PPFIA2: variants seen among roughly 807,000 people sequenced by gnomAD.
The protein encoded by PPFIA2 is PPFI scaffold protein A2.
Under a neutral mutation model 175.5 loss-of-function variants are expected in PPFIA2, and 46 were observed. The ratio of observed to expected loss-of-function variants is 0.26; its 90% CI spans 0.21 to 0.34. PPFIA2 has a LOEUF of 0.34. Among genes scored for constraint, PPFIA2 ranks in the 10% least tolerant of loss-of-function variants. The pLI, the probability that PPFIA2 is intolerant of heterozygous loss-of-function variation, is 1.00. For synonymous variants in PPFIA2, 568 were observed against 511.4 expected (o/e 1.11, Z -1.49); for missense variants, 1,179 against 1,506.1 (o/e 0.78, Z 3.60).
chr12:81,521,084 GT>G (rs1255012603), intron 4 of PPFIA2, among the ~76,000 whole-genome samples: 1 of 151,806 alleles, frequency 6.6e-6, no homozygotes, highest in Non-Finnish European at 1.5e-5. Flanking sequence ...ATTATGCCAT[GT>G]TTTTACAAAA....
chr12:81,420,718 A>G (rs2046090397), intron 7 of PPFIA2, among the ~76,000 whole-genome samples: 1 of 152,068 alleles, frequency 6.6e-6, no homozygotes, highest in Non-Finnish European at 1.5e-5. Flanking sequence ...TCCCAAAAAG[A>G]GAAAAAGAAA....
At chr12:81,542,722 T>C (rs1403068382) in intron 4 of PPFIA2, among the ~76,000 whole-genome samples, 1 of 152,152 alleles carries the variant, frequency 6.6e-6, no homozygotes, top group African/African-American at 2.4e-5. Context: ...TCCTTTGAGA[T>C]ATAAATCTTT....
chr12:81,307,363 T>C (rs925592452), intron 22 of PPFIA2, among the ~76,000 whole-genome samples: 9 of 152,202 alleles, frequency 5.9e-5, no homozygotes, highest in Admixed American at 2.0e-4. Context: ...TGCTAAATTG[T>C]AATCCAAAAA....
chr12:81,422,488 A>T (rs2046449117), intron 7 of PPFIA2, among the ~76,000 whole-genome samples: 1 of 152,078 alleles, frequency 6.6e-6, no homozygotes, highest in Non-Finnish European at 1.5e-5. Flanking sequence ...ACAGCATGGG[A>T]AGGTAAAATG....
At chr12:81,751,692 T>C (rs1191016206) in intron 3 of PPFIA2, among the ~76,000 whole-genome samples, 1 of 152,064 alleles carries the variant, frequency 6.6e-6, no homozygotes, top group African/African-American at 2.4e-5. Context: ...GGCTGGGCAG[T>C]ATATTTAAAA....
intron 4 of PPFIA2, among the ~76,000 whole-genome samples, chr12:81,671,748 A>G (rs1271922582): frequency 2.6e-5 from 4 of 151,904 alleles, no homozygotes; most frequent in South Asian, 2.1e-4. Flanking sequence ...ACTTTACTAC[A>G]TGACGTTATT....
chr12:81,438,390 C>T (rs545079965), intron 7 of PPFIA2, among the ~76,000 whole-genome samples: 1 of 152,218 alleles, frequency 6.6e-6, no homozygotes, highest in African/African-American at 2.4e-5. Context: ...ATTGCTTGAA[C>T]CCAGCAGGCA....
At chr12:81,652,994 A>G (rs1223820766) in intron 4 of PPFIA2, among the ~76,000 whole-genome samples, 1 of 151,982 alleles carries the variant, frequency 6.6e-6, no homozygotes, top group Non-Finnish European at 1.5e-5. Context: ...CCCATCAGCA[A>G]GTCCCCAATT....
intron 3 of PPFIA2, among the ~76,000 whole-genome samples, chr12:81,747,669 T>C (rs1375762543): frequency 6.9e-6 from 1 of 144,214 alleles, no homozygotes; most frequent in African/African-American, 2.4e-5. Context: ...ATGAGGCAGT[T>C]TCTATTATTA....
intron 4 of PPFIA2, chr12:81,471,359 T>G (rs745789270): frequency 6.6e-6 from 1 of 151,746 alleles, no homozygotes; most frequent in East Asian, 1.9e-4. Context: ...AAAAGAGATC[T>G]CCCTATATTT....
intron 21 of PPFIA2, among the ~76,000 whole-genome samples, chr12:81,336,051 G>A (rs953551335): frequency 3.9e-5 from 6 of 152,208 alleles, no homozygotes; most frequent in African/African-American, 1.4e-4. Context: ...ACACATTTCA[G>A]TTGGGAAATC....
At chr12:81,730,512 CATT>C (rs1214334300) in intron 3 of PPFIA2, among the ~76,000 whole-genome samples, 1 of 151,548 alleles carries the variant, frequency 6.6e-6, no homozygotes, top group Non-Finnish European at 1.5e-5. Context: ...AGAACTCTCT[CATT>C]ATGACAAGAA....
intron 4 of PPFIA2, among the ~76,000 whole-genome samples, chr12:81,630,221 A>G (rs1455308436): frequency 6.6e-6 from 1 of 152,188 alleles, no homozygotes; most frequent in Non-Finnish European, 1.5e-5. Context: ...GATAAATAAG[A>G]TAATAAAGTT....
chr12:81,339,576 T>C (rs937269403), intron 20 of PPFIA2, among the ~76,000 whole-genome samples: 4 of 152,108 alleles, frequency 2.6e-5, no homozygotes, highest in African/African-American at 9.7e-5. Flanking sequence ...TCTTTACTTT[T>C]TTGGTATAAT....
At chr12:81,512,464 T>A in intron 4 of PPFIA2, 1 of 624,224 alleles carries the variant, frequency 1.6e-6, no homozygotes, top group Non-Finnish European at 2.3e-6. Context: ...CCTTTAAAGT[T>A]AACTCATTAG....
intron 4 of PPFIA2, among the ~76,000 whole-genome samples, chr12:81,656,207 G>A (rs370189134): frequency 4.0e-5 from 6 of 151,788 alleles, no homozygotes; most frequent in Admixed American, 6.6e-5. Flanking sequence ...TCTTTGTGGC[G>A]TATTTTAGAA....
chr12:81,674,755 C>CTAACTTGG (rs1721827225), intron 4 of PPFIA2, among the ~76,000 whole-genome samples: 1 of 151,998 alleles, frequency 6.6e-6, no homozygotes, highest in South Asian at 2.1e-4. Flanking sequence ...ATCTGACTTT[C>CTAACTTGG]AGTTTTCTAA....
At chr12:81,500,059 G>A (rs570755261) in intron 4 of PPFIA2, among the ~76,000 whole-genome samples, 1 of 152,210 alleles carries the variant, frequency 6.6e-6, no homozygotes, top group African/African-American at 2.4e-5. Flanking sequence ...AAAGCAGGAA[G>A]CCATCTGTTG....
At chr12:81,453,478 T>G (rs933736233) in intron 5 of PPFIA2, among the ~76,000 whole-genome samples, 18 of 152,168 alleles carry the variant, frequency 1.2e-4, no homozygotes, top group Admixed American at 5.9e-4. Flanking sequence ...CAGGAATAAA[T>G]TATTTTCTAT....
Sources: allele counts gnomAD v4.1 joint callset (sites outside exome capture counted in the v4.1 genomes callset), GRCh38; gene constraint gnomAD v4.1.1; transcripts MANE v1.5; gene names NCBI Gene and HGNC (gene_info 2026-07-23, HGNC 2026-07-21).